FGF7: variants seen among roughly 807,000 people sequenced by gnomAD.
FGF7 encodes the protein FGF-7.
Under a neutral mutation model 20.5 loss-of-function variants are expected in FGF7, and 6 were observed. That is an observed-to-expected ratio of 0.29 (90% CI 0.16 to 0.58). The LOEUF is 0.58. Ranked by LOEUF, FGF7 falls within the 20% of genes least tolerant of loss-of-function variation. FGF7 has a pLI of 0.90. For missense variants in FGF7, 144 were observed against 228.8 expected (o/e 0.63, Z 2.39); for synonymous variants, 64 against 74.7 (o/e 0.86, Z 0.74).
At chr15:49,473,605 A>T (rs1266222963) in intron 2 of FGF7, among the ~76,000 whole-genome samples, 6 of 152,112 alleles carry the variant, frequency 3.9e-5, no homozygotes, top group African/African-American at 1.4e-4. Context: ...GAGGGGTATA[A>T]TGACTCTCTA....
At chr15:49,444,902 C>A (rs1413432145) in intron 2 of FGF7, among the ~76,000 whole-genome samples, 4 of 151,532 alleles carry the variant, frequency 2.6e-5, no homozygotes, top group Non-Finnish European at 4.4e-5. Context: ...TATCACATCT[C>A]AGAATACTGG....
chr15:49,448,763 T>TC (rs1169887703), intron 2 of FGF7, among the ~76,000 whole-genome samples: 1 of 151,624 alleles, frequency 6.6e-6, no homozygotes, highest in Non-Finnish European at 1.5e-5. Context: ...TAAGGAAGGC[T>TC]CCCCCAAATA....
chr15:49,464,064 T>C lies in FGF7; in HGVS notation c.287-19087T>C, dbSNP rs186381045. ...ATTTTTTTTTCCATCCCCAAACACC[T>C]GCTGTATGGACAATAATTCTATTAG... On this transcript the variant is annotated intron_variant, in intron 2 of 3. Transcript: ENST00000267843. 9.9e-4 allele frequency among the ~76,000 whole-genome samples: 150 copies of C among 152,226 alleles called. 1 individual carries two copies. The highest frequency in any genetic ancestry group is 6.8e-3 in the Middle Eastern group (2 of 294).
chr15:49,453,111 G>A (rs2052924780), intron 2 of FGF7, among the ~76,000 whole-genome samples: 1 of 151,908 alleles, frequency 6.6e-6, no homozygotes, highest in African/African-American at 2.4e-5. Flanking sequence ...ATATTGCATT[G>A]AGGTCAACAA....
In FGF7 at chr15:49,486,012, A is replaced by T. The variant is rs1265693107; in HGVS notation, c.*1508A>T. 2 of 152,008 alleles carry T rather than the reference A, an allele frequency of 1.3e-5. No individual in the cohort carries two copies. The highest frequency in any genetic ancestry group is 2.9e-5 in the Non-Finnish European group (2 of 67,942). 9.4% of individuals were successfully genotyped at this position (152,008 alleles called of 1,614,324 possible). ...AGGTCAGCCTACAGATAACAGGATT[A>T]TTACAAGGATGAATTTCCACTTCAA... On this transcript the variant is annotated 3_prime_UTR_variant, in exon 4 of 4. Coordinates refer to ENST00000267843, the MANE Select transcript of FGF7 (RefSeq NM_002009.4).
At chr15:49,430,641 C>T (rs1043847414) in intron 2 of FGF7, among the ~76,000 whole-genome samples, 1 of 151,826 alleles carries the variant, frequency 6.6e-6, no homozygotes, top group Non-Finnish European at 1.5e-5. Flanking sequence ...CTTGCTGTGT[C>T]ATTCCATGGT....
chr15:49,471,320 A>G (rs1466537277), intron 2 of FGF7, among the ~76,000 whole-genome samples: 1 of 151,842 alleles, frequency 6.6e-6, no homozygotes, highest in Non-Finnish European at 1.5e-5. Context: ...CCCCTCCTCT[A>G]CTAAAAATAC....
At chr15:49,478,200 T>C (rs1597452993) in intron 2 of FGF7, among the ~76,000 whole-genome samples, 2 of 152,208 alleles carry the variant, frequency 1.3e-5, no homozygotes, top group Admixed American at 6.5e-5. Flanking sequence ...TTAATTTGCT[T>C]AGGATAATGG....
chr15:49,446,368 G>A (rs778269292), intron 2 of FGF7, among the ~76,000 whole-genome samples: 12 of 151,568 alleles, frequency 7.9e-5, no homozygotes, highest in Non-Finnish European at 1.6e-4. Flanking sequence ...TGGATACAAA[G>A]ATAAACAATG....
At chr15:49,458,518 T>A (rs1344772063) in intron 2 of FGF7, among the ~76,000 whole-genome samples, 9 of 152,118 alleles carry the variant, frequency 5.9e-5, no homozygotes, top group Admixed American at 5.2e-4. Flanking sequence ...ACTTTTGCAT[T>A]TTAAGATAAT....
In FGF7 at chr15:49,483,222, G is replaced by T. The variant is rs781708003; in HGVS notation, c.358G>T (p.Ala120Ser). Residue 120 changes from alanine (A) to serine (S), a missense_variant, in exon 3 of 4, where the codon GCA becomes TCA. By Grantham distance (99) the Ala-to-Ser change is moderately conservative. Coordinates refer to ENST00000267843, the MANE Select transcript of FGF7 (RefSeq NM_002009.4). ...AGGGGTGGAAAGTGAATTCTATCTT[G>T]CAATGAACAAGGAAGGAAAACTCTA... ...IKGVESEFYL[A>S]MNKEGKLYAK... is the part of the protein sequence containing the mutation. The T allele has an allele frequency of 6.3e-7, 1 of 1,587,090 alleles. No homozygotes were observed. The highest frequency in any genetic ancestry group is 8.5e-7 in the Non-Finnish European group (1 of 1,171,498).
chr15:49,469,138 CTGAA>C (rs1181585784), intron 2 of FGF7, among the ~76,000 whole-genome samples: 1 of 151,942 alleles, frequency 6.6e-6, no homozygotes, highest in Non-Finnish European at 1.5e-5. Context: ...AAATGTAAGA[CTGAA>C]TGAAATAAAT....
intron 2 of FGF7, among the ~76,000 whole-genome samples, chr15:49,480,198 G>A (rs375968332): frequency 6.6e-6 from 1 of 152,160 alleles, no homozygotes; most frequent in South Asian, 2.1e-4. Flanking sequence ...AAGAATATAA[G>A]TCTATTCTCA....
chr15:49,452,452 A>T (rs1480874466), intron 2 of FGF7, among the ~76,000 whole-genome samples: 1 of 152,218 alleles, frequency 6.6e-6, no homozygotes, highest in Non-Finnish European at 1.5e-5. Flanking sequence ...CTATGGGAAA[A>T]AATGTTTGGT....
intron 2 of FGF7, among the ~76,000 whole-genome samples, chr15:49,463,402 A>G (rs2053978135): frequency 6.6e-6 from 1 of 152,002 alleles, no homozygotes; most frequent in African/African-American, 2.4e-5. Flanking sequence ...AAAAATACAA[A>G]AATTACCTGG....
chr15:49,479,211 C>T (rs2055651698), intron 2 of FGF7, among the ~76,000 whole-genome samples: 1 of 151,780 alleles, frequency 6.6e-6, no homozygotes, highest in Non-Finnish European at 1.5e-5. Flanking sequence ...TGACATATTG[C>T]CTGGTTTTTC....
intron 2 of FGF7, among the ~76,000 whole-genome samples, chr15:49,468,564 T>C (rs1351729416): frequency 6.6e-6 from 1 of 152,208 alleles, no homozygotes; most frequent in African/African-American, 2.4e-5. Context: ...TGTGTTTTTT[T>C]ACAATAGTGG....
At chr15:49,466,536 G>C (rs570209992) in intron 2 of FGF7, among the ~76,000 whole-genome samples, 4 of 152,240 alleles carry the variant, frequency 2.6e-5, no homozygotes, top group African/African-American at 9.6e-5. Context: ...TTTTAATAGA[G>C]TATACCACTG....
At chr15:49,460,553 C>T (rs182448546) in intron 2 of FGF7, among the ~76,000 whole-genome samples, 8 of 152,188 alleles carry the variant, frequency 5.3e-5, no homozygotes, top group Middle Eastern at 3.4e-3. Flanking sequence ...ACAGTTCAGG[C>T]GATCATTACC....
Sources: gnomAD v4.1 joint callset for allele counts (sites outside exome capture counted in the v4.1 genomes callset) on GRCh38, gnomAD v4.1.1 for gene constraint, MANE v1.5 for transcripts, NCBI Gene and HGNC (gene_info 2026-07-23, HGNC 2026-07-21) for gene names.